PLCD4: variants seen among roughly 807,000 people sequenced by gnomAD.
PLCD4 encodes the protein 1-phosphatidylinositol 4,5-bisphosphate phosphodiesterase delta-4.
PLCD4 carries 63 observed loss-of-function variants against 90.2 expected under a neutral mutation model. The ratio of observed to expected loss-of-function variants is 0.70; its 90% CI spans 0.57 to 0.86. PLCD4 has a LOEUF of 0.86. Ranked by LOEUF, PLCD4 falls within the 40% of genes least tolerant of loss-of-function variation. The pLI is 0.00. For synonymous variants in PLCD4, 294 were observed against 356.5 expected, an observed-to-expected ratio of 0.82 and a Z score of 1.97; for missense variants, 830 against 956.3, an observed-to-expected ratio of 0.87 and a Z score of 1.74.
intron 1 of PLCD4, among the ~76,000 whole-genome samples, chr2:218,611,969 G>A (rs879937490): frequency 1.3e-5 from 2 of 148,812 alleles, no homozygotes; most frequent in East Asian, 2.0e-4. Context: ...TAGCTCTGTC[G>A]CCAGGTTAGA....
chr2:218,635,163 G>A (rs1253311861), intron 13 of PLCD4, among the ~76,000 whole-genome samples: 5 of 152,034 alleles, frequency 3.3e-5, no homozygotes, highest in Admixed American at 3.3e-4. Context: ...GGCTACTCAG[G>A]AGGCTAAGGC....
intron 14 of PLCD4, 77 bp downstream of exon 14, chr2:218,636,008 A>G: frequency 1.3e-6 from 2 of 1,598,756 alleles, no homozygotes; most frequent in South Asian, 1.1e-5. Context: ...TCCATTAAGT[A>G]TAGCATCTGT....
At chr2:218,623,684 A>AT (rs1005551861) in intron 6 of PLCD4, among the ~76,000 whole-genome samples, 41 of 151,452 alleles carry the variant, frequency 2.7e-4, no homozygotes, top group East Asian at 1.9e-4. Flanking sequence ...TCCTTTTTCT[A>AT]TTTTTTTGTT....
intron 7 of PLCD4, 145 bp downstream of exon 7, chr2:218,628,375 G>C (rs757130485): frequency 6.9e-6 from 5 of 725,330 alleles, no homozygotes; most frequent in Non-Finnish European, 9.1e-6. Context: ...ACTTGGAGGA[G>C]ATATTGAAGA....
intron 1 of PLCD4, among the ~76,000 whole-genome samples, chr2:218,608,787 A>G (rs1207943772): frequency 6.6e-6 from 1 of 152,120 alleles, no homozygotes; most frequent in Admixed American, 6.6e-5. Flanking sequence ...TAAGGATCTC[A>G]ATTTCAAGAC....
chr2:218,609,911 G>C (rs550435473), intron 1 of PLCD4: 2 of 152,408 alleles, frequency 1.3e-5, no homozygotes, highest in Non-Finnish European at 2.9e-5. Flanking sequence ...GGGGAGAAGG[G>C]ATGAGGAGAA....
intron 1 of PLCD4, among the ~76,000 whole-genome samples, chr2:218,615,013 G>A (rs1322707067): frequency 6.6e-6 from 1 of 152,042 alleles, no homozygotes; most frequent in Non-Finnish European, 1.5e-5. Flanking sequence ...CGGATCACGA[G>A]GTCAGGAGAT....
At position 218,634,133 on chromosome 2, in the gene PLCD4, G is replaced by T. The variant is rs774816594; in HGVS notation, c.1635G>T (p.Trp545Cys). Residue 545 changes from tryptophan to cysteine, a missense_variant, in exon 12 of 16, where the codon TGG becomes TGT. By Grantham distance (215) the Trp-to-Cys change is radical. Transcript: ENST00000450993. The surrounding 1 kb of genome is among the most constrained non-coding windows in gnomAD (Gnocchi z 4.0). Reference sequence around the variant, plus strand: ...ATGAGTTTGTGCAGCACAATACTTGGCAGTTAAGCCGTGTGTATCCCAGCG... The same window carrying T: ...ATGAGTTTGTGCAGCACAATACTTGTCAGTTAAGCCGTGTGTATCCCAGCG... ...AGNEFVQHNT[W>C]QLSRVYPSGL... 6.2e-7 allele frequency: 1 copy of T among 1,612,156 alleles called. No individual in the cohort carries two copies. The highest frequency in any genetic ancestry group is 1.3e-5 in the African/African-American group (1 of 75,022).
At chr2:218,620,893 C>CAAAAAAA (rs34369545) in intron 4 of PLCD4, among the ~76,000 whole-genome samples, 1 of 61,894 alleles carries the variant, frequency 1.6e-5, no homozygotes, top group African/African-American at 6.8e-5. Flanking sequence ...GACTCTGTCT[C>CAAAAAAA]AAAAAAAAAA....
intron 6 of PLCD4, among the ~76,000 whole-genome samples, chr2:218,627,166 C>T (rs1696154117): frequency 6.6e-6 from 1 of 151,434 alleles, no homozygotes; most frequent in South Asian, 2.1e-4. Context: ...GAGCCTGAGG[C>T]AGGAGAATGG....
intron 10 of PLCD4, 34 bp downstream of exon 10, chr2:218,632,346 T>C (rs1396258614): frequency 1.3e-6 from 2 of 1,569,962 alleles, no homozygotes; most frequent in Admixed American, 1.9e-5. Context: ...CTGTGGTATT[T>C]AGTCAACTTA....
chr2:218,619,597 G>A (rs530849170), intron 4 of PLCD4, among the ~76,000 whole-genome samples: 1 of 151,296 alleles, frequency 6.6e-6, no homozygotes, highest in South Asian at 2.1e-4. Flanking sequence ...CCGGCCAGTG[G>A]TACAAAGATT....
At chr2:218,616,735 A>ATACATACATACG in intron 3 of PLCD4, among the ~76,000 whole-genome samples, 1 of 147,620 alleles carries the variant, frequency 6.8e-6, no homozygotes, top group Admixed American at 6.9e-5. Context: ...ATATACATAC[A>ATACATACATACG]TACATACATA....
chr2:218,635,791 T>C lies in PLCD4; in HGVS notation c.1897-5T>C. 2 of 1,611,236 alleles carry C rather than the reference T, an allele frequency of 1.2e-6. No homozygotes were observed. Among genetic ancestry groups the C allele is most frequent in the Non-Finnish European group, 1.7e-6 (2 of 1,178,786 alleles). ...ACTTGTGAGATTCCAGAGCCCTGACTACAGGTGATCAGCGGTCAGCAACTC... is the reference window on the plus strand; with the variant it reads ...ACTTGTGAGATTCCAGAGCCCTGACCACAGGTGATCAGCGGTCAGCAACTC... On this transcript the variant is annotated splice_region_variant and splice_polypyrimidine_tract_variant and intron_variant, in intron 13 of 15. Coordinates refer to ENST00000450993, the MANE Select transcript of PLCD4 (RefSeq NM_032726.4).
intron 8 of PLCD4, 122 bp downstream of exon 8, chr2:218,629,785 T>C: frequency 9.1e-7 from 1 of 1,094,962 alleles, no homozygotes; most frequent in Non-Finnish European, 1.3e-6. Flanking sequence ...GATTTAACTG[T>C]AAAGCATCAG....
At chr2:218,622,937 A>G in intron 6 of PLCD4, 59 bp downstream of exon 6, 1 of 1,464,076 alleles carries the variant, frequency 6.8e-7, no homozygotes. Flanking sequence ...GGACATGATT[A>G]CAAGGTCCAG....
intron 1 of PLCD4, among the ~76,000 whole-genome samples, chr2:218,612,160 G>A (rs892417089): frequency 1.6e-4 from 24 of 147,488 alleles, no homozygotes; most frequent in Non-Finnish European, 9.0e-5. Context: ...CACCCGCCTC[G>A]GCCTCCCAAA....
At chr2:218,620,654 T>A (rs1204722125) in intron 4 of PLCD4, among the ~76,000 whole-genome samples, 2 of 151,744 alleles carry the variant, frequency 1.3e-5, no homozygotes, top group African/African-American at 4.8e-5. Context: ...AGGTTGAGGC[T>A]GTAGTGAGCC....
At chr2:218,633,861 A>C in intron 11 of PLCD4, 100 bp downstream of exon 11, 1 of 1,426,162 alleles carries the variant, frequency 7.0e-7, no homozygotes, top group Non-Finnish European at 9.7e-7. Flanking sequence ...AAGGTAGCTA[A>C]GGAGAGATGA....
Sources: allele counts gnomAD v4.1 joint callset (sites outside exome capture counted in the v4.1 genomes callset), GRCh38; gene constraint gnomAD v4.1.1; non-coding constraint Gnocchi (gnomAD v3.1); transcripts MANE v1.5; gene names NCBI Gene and HGNC (gene_info 2026-07-23, HGNC 2026-07-21).